The following NOX4 variants were observed in gnomAD, a reference collection of about 807,000 sequenced individuals.
NOX4 encodes the protein kidney oxidase-1.
NOX4 carries 69 observed loss-of-function variants against 87.6 expected under a neutral mutation model. The observed-to-expected ratio is 0.79, with a 90% CI of 0.65 to 0.96. NOX4 has a LOEUF of 0.96. Among genes scored for constraint, NOX4 ranks in the 40% least tolerant of loss-of-function variants. The probability of loss-of-function intolerance (pLI) is 0.00; values close to 1 mark genes in which losing one functional copy is unlikely to be tolerated. For synonymous variants in NOX4, 275 were observed against 238.2 expected, an observed-to-expected ratio of 1.15 and a Z score of -1.42; for missense variants, 680 against 681.5, an observed-to-expected ratio of 1.00 and a Z score of 0.02.
chr11:89,478,884 T>A (rs2135464306), intron 2 of NOX4, among the ~76,000 whole-genome samples: 1 of 152,222 alleles, frequency 6.6e-6, no homozygotes, highest in East Asian at 1.9e-4. Context: ...CAAGCCCATC[T>A]GCAACCCCAG....
chr11:89,413,179 A>G (rs1942574953), intron 8 of NOX4, among the ~76,000 whole-genome samples: 2 of 152,148 alleles, frequency 1.3e-5, no homozygotes, highest in African/African-American at 4.8e-5. Flanking sequence ...GCAACAACCA[A>G]TACTGGTGAG....
At chr11:89,328,224 A>G (rs1945296939) in intron 17 of NOX4, among the ~76,000 whole-genome samples, 1 of 152,236 alleles carries the variant, frequency 6.6e-6, no homozygotes, top group Non-Finnish European at 1.5e-5. Context: ...ATCAGTTCAT[A>G]TATGATAAGA....
intron 7 of NOX4, among the ~76,000 whole-genome samples, chr11:89,422,424 T>G (rs1459516315): frequency 1.3e-5 from 2 of 152,120 alleles, no homozygotes; most frequent in Non-Finnish European, 2.9e-5. Context: ...ATGAAATAGA[T>G]GACGACCAAA....
At chr11:89,547,887 T>C in the NOX4 span, among the ~76,000 whole-genome samples, 2 of 152,098 alleles carry the variant, frequency 1.3e-5, no homozygotes, top group Admixed American at 6.6e-5. Context: ...GAGCACTTTA[T>C]GCATAGACCC....
chr11:89,444,376 T>C (rs1199423861), intron 4 of NOX4, 144 bp from the exon 5 acceptor site: 1 of 692,178 alleles, frequency 1.4e-6, no homozygotes, highest in Non-Finnish European at 2.4e-6. Context: ...AAAGGTGAAG[T>C]TTTAAAGACA....
At chr11:89,529,870 A>C in the NOX4 span, among the ~76,000 whole-genome samples, 1 of 152,186 alleles carries the variant, frequency 6.6e-6, no homozygotes, top group Non-Finnish European at 1.5e-5. Context: ...TAATGAAGAA[A>C]TTATGTGGGT....
At chr11:89,546,980 G>C in the NOX4 span, among the ~76,000 whole-genome samples, 4 of 152,270 alleles carry the variant, frequency 2.6e-5, no homozygotes, top group African/African-American at 9.6e-5. Context: ...ATTTTAATAA[G>C]TATTTTCTTC....
intron 8 of NOX4, among the ~76,000 whole-genome samples, chr11:89,413,223 T>C (rs1249489223): frequency 1.3e-5 from 2 of 152,086 alleles, no homozygotes; most frequent in African/African-American, 2.4e-5. Flanking sequence ...ATATACACTG[T>C]TGGTGGGAAT....
At chr11:89,509,466 C>T in the NOX4 span, among the ~76,000 whole-genome samples, 451 of 152,114 alleles carry the variant, frequency 3.0e-3, 3 homozygotes, top group African/African-American at 0.011. Flanking sequence ...CAGTCCAGTG[C>T]TGCCCCTGCC....
At chr11:89,413,635 G>A (rs770192279) in intron 8 of NOX4, among the ~76,000 whole-genome samples, 53 of 152,168 alleles carry the variant, frequency 3.5e-4, no homozygotes, top group Non-Finnish European at 6.8e-4. Flanking sequence ...AACTGAACTC[G>A]TGAAGATAGA....
At chr11:89,364,718 T>C (rs1938809346) in intron 12 of NOX4, among the ~76,000 whole-genome samples, 1 of 152,244 alleles carries the variant, frequency 6.6e-6, no homozygotes, top group Non-Finnish European at 1.5e-5. Context: ...TTCTGAACTA[T>C]ACCAAAATTT....
At chr11:89,463,031 A>G (rs1167649529) in intron 2 of NOX4, among the ~76,000 whole-genome samples, 4 of 151,966 alleles carry the variant, frequency 2.6e-5, no homozygotes, top group African/African-American at 9.7e-5. Flanking sequence ...TCATTATATC[A>G]TAAGTAATTT....
At chr11:89,397,383 G>T (rs1381921027) in intron 11 of NOX4, among the ~76,000 whole-genome samples, 1 of 151,890 alleles carries the variant, frequency 6.6e-6, no homozygotes, top group African/African-American at 2.4e-5. Flanking sequence ...TCTAAAATTG[G>T]CACCCTAATA....
At chr11:89,396,796 C>T (rs544628464) in intron 11 of NOX4, among the ~76,000 whole-genome samples, 2 of 152,114 alleles carry the variant, frequency 1.3e-5, no homozygotes, top group East Asian at 1.9e-4. Context: ...GCATCCAATA[C>T]AGGAGCACCC....
intron 7 of NOX4, 60 bp downstream of exon 7, chr11:89,432,724 C>G (rs1943869599): frequency 3.2e-6 from 4 of 1,247,896 alleles, no homozygotes. Context: ...TTTGATTACT[C>G]AAGACTTTTT....
the NOX4 span, among the ~76,000 whole-genome samples, chr11:89,560,978 C>A: frequency 4.1e-5 from 3 of 73,074 alleles, no homozygotes; most frequent in Non-Finnish European, 7.5e-5. Context: ...CTCTCTCTCT[C>A]TCTCTCTCTC....
At position 89,485,045 on chromosome 11, in the gene NOX4, G is replaced by A. The variant is rs567320649; in HGVS notation, c.153+5413C>T. 6.6e-5 allele frequency among the ~76,000 whole-genome samples: 10 copies of A among 152,204 alleles called. No individual in the cohort carries two copies. The East Asian group carries it at 1.7e-3, about 26-fold the overall frequency. Reference sequence around the variant, plus strand: ...AAAATCCTAGATCCATTTGTCCAGAGACTCCAGTCTCTGACCTTAAGAAAT... The same window carrying A: ...AAAATCCTAGATCCATTTGTCCAGAAACTCCAGTCTCTGACCTTAAGAAAT... On this transcript the variant is annotated intron_variant, in intron 2 of 17. Transcript: ENST00000263317.
chr11:89,568,037 C>A, the NOX4 span, among the ~76,000 whole-genome samples: 1 of 152,140 alleles, frequency 6.6e-6, no homozygotes, highest in African/African-American at 2.4e-5. Flanking sequence ...TCTAGCACCT[C>A]CAGCACAGCA....
At chr11:89,585,589 G>C in the NOX4 span, among the ~76,000 whole-genome samples, 1 of 152,144 alleles carries the variant, frequency 6.6e-6, no homozygotes, top group Non-Finnish European at 1.5e-5. Flanking sequence ...ATAAATTAAT[G>C]AGTGTTGCTG....
Sources: allele counts gnomAD v4.1 joint callset (sites outside exome capture counted in the v4.1 genomes callset), GRCh38; gene constraint gnomAD v4.1.1; transcripts MANE v1.5; gene names NCBI Gene and HGNC (gene_info 2026-07-23, HGNC 2026-07-21).